The following CSMD1 variants were observed in gnomAD, a reference collection of about 807,000 sequenced individuals.
The protein encoded by CSMD1 is CUB and Sushi multiple domains 1.
CSMD1 carries 213 observed loss-of-function variants against 417.5 expected under a neutral mutation model. The observed-to-expected ratio is 0.51, with a 90% CI of 0.46 to 0.57. The LOEUF (loss-of-function observed/expected upper bound fraction) is 0.57, where lower values mean the gene tolerates loss of function less well. Among genes scored for constraint, CSMD1 ranks in the 20% least tolerant of loss-of-function variants. CSMD1 has a pLI of 0.00. For missense variants in CSMD1, 6,923 were observed against 4,529.7 expected, an observed-to-expected ratio of 1.53 and a Z score of -15.17; for synonymous variants, 2,862 against 1,736.8, an observed-to-expected ratio of 1.65 and a Z score of -16.11.
intron 1 of CSMD1, among the ~76,000 whole-genome samples, chr8:4,668,850 T>C (rs1805117487): frequency 6.6e-6 from 1 of 152,160 alleles, no homozygotes; most frequent in South Asian, 2.1e-4. Context: ...CTCTCTACCA[T>C]GTTTATCTCT....
At chr8:3,604,875 C>T (rs1015621399) in intron 8 of CSMD1, among the ~76,000 whole-genome samples, 6 of 152,178 alleles carry the variant, frequency 3.9e-5, no homozygotes, top group Non-Finnish European at 8.8e-5. Context: ...TACCTCCACG[C>T]TCTGTGTTCA....
Position 3,886,411 on chromosome 8 carries a change from T to C in CSMD1, c.818+111492A>G, listed in dbSNP as rs116767138. On this transcript the variant is annotated intron_variant, in intron 5 of 69. Coordinates refer to ENST00000635120, the MANE Select transcript of CSMD1 (RefSeq NM_033225.6). ...GGTTGTGTGCTAGTTGTGGTAGCAGTGATTTAGAATGTAATCGATTTAACA... is the reference window on the plus strand; with the variant it reads ...GGTTGTGTGCTAGTTGTGGTAGCAGCGATTTAGAATGTAATCGATTTAACA... Among the ~76,000 whole-genome samples, 1,412 of 152,310 alleles carry C rather than the reference T, an allele frequency of 9.3e-3. 10 individuals carry two copies. The highest frequency in any genetic ancestry group is 0.031 in the Middle Eastern group (9 of 294).
intron 1 of CSMD1, among the ~76,000 whole-genome samples, chr8:4,764,589 T>G (rs1212473102): frequency 3.3e-5 from 5 of 152,040 alleles, no homozygotes; most frequent in African/African-American, 1.2e-4. Flanking sequence ...TTTAAACTAC[T>G]GTTTTCTAAA....
chr8:3,233,244 T>G (rs563541694), intron 26 of CSMD1, among the ~76,000 whole-genome samples: 14 of 152,186 alleles, frequency 9.2e-5, no homozygotes, highest in Non-Finnish European at 2.1e-4. Flanking sequence ...ATTAATCATT[T>G]GTAAATTAGT....
chr8:2,970,682 T>C (rs576912035), intron 57 of CSMD1, among the ~76,000 whole-genome samples: 4 of 152,168 alleles, frequency 2.6e-5, no homozygotes, highest in Non-Finnish European at 4.4e-5. Context: ...AACCAAGACT[T>C]TGTGATCACT....
rs1409137759 is a variant in CSMD1 at position 3,223,860 on chromosome 8, A to G, written c.4353T>C (p.Cys1451=). 6.2e-7 allele frequency: 1 copy of G among 1,613,658 alleles called. No individual in the cohort carries two copies. The highest frequency in any genetic ancestry group is 8.5e-7 in the Non-Finnish European group (1 of 1,179,810). ...QPDPPTCIAA[C]GGNLTGPAGV... is the part of the protein sequence containing the mutation. ...CTGCTGGGCCCGTCAGATTCCCTCCACAAGCAGCTGTCACAGAACAAAAGT... is the reference window on the plus strand; with the variant it reads ...CTGCTGGGCCCGTCAGATTCCCTCCGCAAGCAGCTGTCACAGAACAAAAGT... The change falls in exon 28 of 70, where the codon TGT becomes TGC. Residue 1451 remains cysteine (C), a synonymous_variant. Coordinates refer to ENST00000635120, the MANE Select transcript of CSMD1 (RefSeq NM_033225.6).
In CSMD1 at chr8:3,992,289, T is replaced by G. The variant is rs187790036; in HGVS notation, c.818+5614A>C. On this transcript the variant is annotated intron_variant, in intron 5 of 69. Coordinates refer to ENST00000635120, the MANE Select transcript of CSMD1 (RefSeq NM_033225.6). ...ATGAACCAGCATAACTTGACCCTTT[T>G]GCCTACCTGGAGTACGCAAGTTTAC... Among the ~76,000 whole-genome samples the G allele has an allele frequency of 2.6e-4, 40 of 152,288 alleles. 1 individual carries two copies. In the South Asian group the frequency reaches 4.6e-3, roughly 17 times the overall value.
intron 1 of CSMD1, among the ~76,000 whole-genome samples, chr8:4,767,216 T>A (rs967102773): frequency 3.9e-5 from 6 of 152,208 alleles, no homozygotes; most frequent in African/African-American, 1.2e-4. Flanking sequence ...AATTTGCAGA[T>A]GTACACTGTC....
At chr8:4,046,538 A>G (rs891710282) in intron 3 of CSMD1, among the ~76,000 whole-genome samples, 1 of 152,176 alleles carries the variant, frequency 6.6e-6, no homozygotes, top group East Asian at 1.9e-4. Flanking sequence ...CATGTATTCA[A>G]CTCTGTACAT....
intron 1 of CSMD1, among the ~76,000 whole-genome samples, chr8:4,652,142 G>T (rs560973526): frequency 6.6e-6 from 1 of 152,160 alleles, no homozygotes; most frequent in Non-Finnish European, 1.5e-5. Context: ...GGCAGAGGAA[G>T]CAGCAATAAA....
At chr8:3,403,788 A>C (rs572792558) in intron 15 of CSMD1, among the ~76,000 whole-genome samples, 45 of 152,346 alleles carry the variant, frequency 3.0e-4, no homozygotes, top group African/African-American at 1.1e-3. Flanking sequence ...CATTAGTATC[A>C]TATCTTTGAG....
At chr8:3,004,820 T>TG (rs1389378213) in intron 52 of CSMD1, among the ~76,000 whole-genome samples, 2 of 152,302 alleles carry the variant, frequency 1.3e-5, no homozygotes, top group East Asian at 3.9e-4. Flanking sequence ...TTTTACACAC[T>TG]GTTCTACAAA....
intron 7 of CSMD1, among the ~76,000 whole-genome samples, chr8:3,674,583 C>A (rs574336107): frequency 2.2e-4 from 32 of 147,976 alleles, no homozygotes; most frequent in African/African-American, 7.1e-4. Flanking sequence ...TAAGCTACTG[C>A]AAAATATATT....
intron 3 of CSMD1, among the ~76,000 whole-genome samples, chr8:4,413,566 A>T (rs926528036): frequency 2.6e-5 from 4 of 152,084 alleles, no homozygotes; most frequent in Admixed American, 2.0e-4. Context: ...TTAAAAAATT[A>T]TTTTATCATA....
chr8:3,955,558 G>C (rs1811884387), intron 5 of CSMD1, among the ~76,000 whole-genome samples: 1 of 152,214 alleles, frequency 6.6e-6, no homozygotes, highest in South Asian at 2.1e-4. Flanking sequence ...CTGAAAAAAT[G>C]TTTACATATT....
intron 12 of CSMD1, among the ~76,000 whole-genome samples, chr8:3,461,269 T>G (rs2117153227): frequency 6.6e-6 from 1 of 152,170 alleles, no homozygotes; most frequent in East Asian, 1.9e-4. Context: ...TGCCACAGAC[T>G]GCAAGTCCAG....
In CSMD1 at chr8:4,536,249, T is replaced by C. The variant is rs746879264; in HGVS notation, c.302+101093A>G. On this transcript the variant is annotated intron_variant, in intron 2 of 69. Coordinates refer to ENST00000635120, the MANE Select transcript of CSMD1 (RefSeq NM_033225.6). Reference sequence around the variant, plus strand: ...CTATTCATAATTATGTGAAACCATATACACATATTTTAAATAAAATCTACA... The same window carrying C: ...CTATTCATAATTATGTGAAACCATACACACATATTTTAAATAAAATCTACA... Among the ~76,000 whole-genome samples the C allele has an allele frequency of 2.6e-5, 4 of 151,952 alleles. No individual in the cohort carries two copies. The East Asian group carries it at 7.7e-4, about 29-fold the overall frequency.
At chr8:3,240,242 G>C (rs1439317886) in intron 26 of CSMD1, among the ~76,000 whole-genome samples, 2 of 152,140 alleles carry the variant, frequency 1.3e-5, no homozygotes, top group Non-Finnish European at 2.9e-5. Flanking sequence ...GGATGAGACA[G>C]GGAGAGCTAG....
intron 6 of CSMD1, among the ~76,000 whole-genome samples, chr8:3,711,032 A>G (rs1288687047): frequency 6.6e-6 from 1 of 152,084 alleles, no homozygotes; most frequent in Non-Finnish European, 1.5e-5. Context: ...TGAGAAACAC[A>G]TATTATGTCT....
Sources: allele counts gnomAD v4.1 joint callset (sites outside exome capture counted in the v4.1 genomes callset), GRCh38; gene constraint gnomAD v4.1.1; transcripts MANE v1.5; gene names NCBI Gene and HGNC (gene_info 2026-07-23, HGNC 2026-07-21).